Variants in GRIP1 observed in about 807,000 individuals in gnomAD.
GRIP1 encodes the protein glutamate receptor-interacting protein 1.
Under a neutral mutation model 129.9 loss-of-function variants are expected in GRIP1, and 45 were observed. That is an observed-to-expected ratio of 0.35 (90% CI 0.27 to 0.44). The LOEUF (loss-of-function observed/expected upper bound fraction) is 0.44. Among genes scored for constraint, GRIP1 ranks in the 20% least tolerant of loss-of-function variants. The probability of loss-of-function intolerance (pLI) is 1.00; values close to 1 mark genes in which losing one functional copy is unlikely to be tolerated. For missense variants in GRIP1, 1,196 were observed against 1,396.8 expected, an observed-to-expected ratio of 0.86 and a Z score of 2.29; for synonymous variants, 530 against 520.8, an observed-to-expected ratio of 1.02 and a Z score of -0.24.
chr12:66,537,102 T>C (rs1002927205), intron 4 of GRIP1, among the ~76,000 whole-genome samples: 2 of 152,134 alleles, frequency 1.3e-5, no homozygotes, highest in Non-Finnish European at 2.9e-5. Flanking sequence ...GCCTATCTTG[T>C]AGTGTTGATT....
intron 1 of GRIP1, among the ~76,000 whole-genome samples, chr12:66,767,572 TAA>T (rs35610268): frequency 2.1e-5 from 3 of 145,958 alleles, no homozygotes; most frequent in Admixed American, 6.8e-5. Flanking sequence ...GTCTCTGTAT[TAA>T]AAAAAAAAAA....
intron 7 of GRIP1, among the ~76,000 whole-genome samples, chr12:66,470,062 C>T (rs3891950): frequency 0.34 from 52,200 of 151,962 alleles, 9,416 homozygotes; most frequent in Non-Finnish European, 0.4. Flanking sequence ...CTTTCCATCT[C>T]CATGATCACC....
At chr12:66,787,157 T>G (rs1391735587) in intron 1 of GRIP1, among the ~76,000 whole-genome samples, 1 of 152,190 alleles carries the variant, frequency 6.6e-6, no homozygotes, top group Non-Finnish European at 1.5e-5. Context: ...CTGTGTTTTC[T>G]GTAAGTCAAC....
intron 1 of GRIP1, among the ~76,000 whole-genome samples, chr12:66,642,425 G>T (rs1376486817): frequency 6.6e-6 from 1 of 151,828 alleles, no homozygotes; most frequent in Non-Finnish European, 1.5e-5. Context: ...ATGTGTGTGT[G>T]TGTGTGGTAG....
chr12:66,759,643 GA>G (rs138701176), intron 1 of GRIP1, among the ~76,000 whole-genome samples: 3,099 of 152,214 alleles, frequency 0.02, 45 homozygotes, highest in African/African-American at 0.046. Context: ...GTCACCTTTT[GA>G]ATGCTTTGCT....
intron 1 of GRIP1, among the ~76,000 whole-genome samples, chr12:66,696,414 GATAGTC>G (rs2035157769): frequency 6.6e-6 from 1 of 152,070 alleles, no homozygotes; most frequent in Non-Finnish European, 1.5e-5. Flanking sequence ...CTTTATTCCT[GATAGTC>G]ATAAAGAGGC....
At chr12:66,372,176 C>T (rs1009386073) in intron 22 of GRIP1, 72 of 575,012 alleles carry the variant, frequency 1.3e-4, no homozygotes, top group Non-Finnish European at 2.1e-4. Flanking sequence ...TAATCAAATA[C>T]CACCCCTGGC....
At chr12:66,961,663 C>T (rs989625870) in intron 1 of GRIP1, among the ~76,000 whole-genome samples, 25 of 152,136 alleles carry the variant, frequency 1.6e-4, no homozygotes, top group African/African-American at 6.0e-4. Context: ...CCCTTGGCCC[C>T]AATTTTTTTA....
intron 1 of GRIP1, among the ~76,000 whole-genome samples, chr12:66,790,838 C>T (rs1284908682): frequency 1.3e-5 from 2 of 151,780 alleles, no homozygotes; most frequent in South Asian, 2.1e-4. Flanking sequence ...CGGAGATAGC[C>T]CAGGAAGAAT....
chr12:66,868,398 C>T (rs2040240690), intron 1 of GRIP1, among the ~76,000 whole-genome samples: 2 of 151,984 alleles, frequency 1.3e-5, no homozygotes, highest in Admixed American at 6.6e-5. Context: ...GCATTTTATG[C>T]GTCATCTCAA....
intron 1 of GRIP1, among the ~76,000 whole-genome samples, chr12:66,801,217 T>C (rs2038848548): frequency 6.6e-6 from 1 of 152,086 alleles, no homozygotes; most frequent in Non-Finnish European, 1.5e-5. Context: ...GTTTGGTGAC[T>C]TACCCAAAGC....
chr12:66,411,691 A>C (rs117960781), intron 15 of GRIP1, among the ~76,000 whole-genome samples: 2,822 of 152,316 alleles, frequency 0.019, 34 homozygotes, highest in Non-Finnish European at 0.031. Flanking sequence ...CACTGAACTA[A>C]AGGAGCATGT....
intron 1 of GRIP1, among the ~76,000 whole-genome samples, chr12:66,732,866 T>C (rs771273396): frequency 1.3e-5 from 2 of 152,144 alleles, no homozygotes; most frequent in Non-Finnish European, 2.9e-5. Flanking sequence ...TTATTTGCAA[T>C]GTAAAACACT....
chr12:66,454,196 T>C (rs993558621), intron 11 of GRIP1, among the ~76,000 whole-genome samples: 4 of 152,220 alleles, frequency 2.6e-5, no homozygotes, highest in African/African-American at 2.4e-5. Context: ...TAGCTGGTCT[T>C]GGGCACTTAG....
At chr12:66,404,628 A>G (rs2057124485) in intron 16 of GRIP1, among the ~76,000 whole-genome samples, 1 of 152,144 alleles carries the variant, frequency 6.6e-6, no homozygotes, top group Non-Finnish European at 1.5e-5. Context: ...TGTACTTGTT[A>G]TTTTAACTAT....
intron 1 of GRIP1, among the ~76,000 whole-genome samples, chr12:66,757,470 T>C (rs570481636): frequency 2.7e-4 from 41 of 152,328 alleles, no homozygotes; most frequent in African/African-American, 9.9e-4. Context: ...CCCTTATCCA[T>C]TCATCTGCTG....
At chr12:66,819,571 C>T (rs1054318966) in intron 1 of GRIP1, among the ~76,000 whole-genome samples, 1 of 152,126 alleles carries the variant, frequency 6.6e-6, no homozygotes, top group African/African-American at 2.4e-5. Flanking sequence ...ATATGCATTG[C>T]TACATTAAAC....
intron 2 of GRIP1, among the ~76,000 whole-genome samples, chr12:66,581,922 T>G (rs1297937607): frequency 6.6e-6 from 1 of 152,180 alleles, no homozygotes; most frequent in East Asian, 1.9e-4. Context: ...AGCATCATCC[T>G]GATACCAAAG....
intron 1 of GRIP1, among the ~76,000 whole-genome samples, chr12:66,612,534 A>C (rs2139890737): frequency 6.6e-6 from 1 of 152,184 alleles, no homozygotes; most frequent in Non-Finnish European, 1.5e-5. Context: ...CTACTTGGGA[A>C]GCTGTGGTGG....
Sources: gnomAD v4.1 joint callset for allele counts (sites outside exome capture counted in the v4.1 genomes callset) on GRCh38, gnomAD v4.1.1 for gene constraint, MANE v1.5 for transcripts, NCBI Gene and HGNC (gene_info 2026-07-23, HGNC 2026-07-21) for gene names.